The following TBXAS1 variants were observed in gnomAD, a reference collection of about 807,000 sequenced individuals.
TBXAS1 encodes thromboxane-A synthase.
In TBXAS1, 48 loss-of-function variants were observed where a neutral mutation model predicts 60.7. The observed-to-expected ratio is 0.79, with a 90% CI of 0.63 to 1.01. The LOEUF (loss-of-function observed/expected upper bound fraction) is 1.01. Ranked by LOEUF, TBXAS1 falls within the 50% of genes least tolerant of loss-of-function variation. TBXAS1 has a pLI of 0.00. For missense variants in TBXAS1, 685 were observed against 686.3 expected, an observed-to-expected ratio of 1.00 and a Z score of 0.02; for synonymous variants, 287 against 269.7, an observed-to-expected ratio of 1.06 and a Z score of -0.63.
rs896146723 is a variant in TBXAS1, at chr7:139,852,450, G to A, written c.90-19785G>A. On this transcript the variant is annotated intron_variant, in intron 1 of 12. Coordinates refer to ENST00000448866, the MANE Select transcript of TBXAS1 (RefSeq NM_001061.7). The surrounding 1 kb of genome is among the most constrained non-coding windows in gnomAD (Gnocchi z 4.4). ...AGAAGCAAACACACTGAGGAACAAC[G>A]GGCACTGAGATTCAGGGCTCTTGGA... is the stretch of plus-strand genomic sequence containing the variant. Among the ~76,000 whole-genome samples, 11 of 152,138 alleles carry A rather than the reference G, an allele frequency of 7.2e-5. No individual in the cohort carries two copies. Among genetic ancestry groups the A allele is most frequent in the Admixed American group, 2.0e-4 (3 of 15,262 alleles).
upstream of TBXAS1, among the ~76,000 whole-genome samples, chr7:139,824,895 T>A (rs1295061454): frequency 6.7e-6 from 1 of 149,632 alleles, no homozygotes. Flanking sequence ...AATGGCGTGA[T>A]CTTGGCTCAC....
chr7:139,985,312 C>T (rs1213666366), intron 9 of TBXAS1, among the ~76,000 whole-genome samples: 5 of 152,224 alleles, frequency 3.3e-5, no homozygotes, highest in African/African-American at 1.2e-4. Flanking sequence ...CACCCCCCAC[C>T]CCTCTAGCCT....
chr7:139,800,503 C>A (rs1052905362), intron 4 of TBXAS1, among the ~76,000 whole-genome samples: 1 of 152,152 alleles, frequency 6.6e-6, no homozygotes, highest in Admixed American at 6.6e-5. Context: ...GTCATTCCCA[C>A]TTCCCGCCAC....
chr7:140,005,938 CG>C (rs1486850456), intron 9 of TBXAS1, among the ~76,000 whole-genome samples: 1 of 152,184 alleles, frequency 6.6e-6, no homozygotes, highest in Admixed American at 6.5e-5. Flanking sequence ...TTGCCCATCC[CG>C]GAGCTCACTT....
chr7:139,865,162 A>T (rs752932424), intron 1 of TBXAS1, among the ~76,000 whole-genome samples: 2 of 152,186 alleles, frequency 1.3e-5, no homozygotes, highest in African/African-American at 2.4e-5. Context: ...CATGAGGATG[A>T]GGATGCCAGG....
chr7:139,984,115 C>A (rs1054531877), intron 9 of TBXAS1, among the ~76,000 whole-genome samples: 10 of 152,192 alleles, frequency 6.6e-5, no homozygotes, highest in Non-Finnish European at 1.2e-4. Flanking sequence ...GCTGCTGGAC[C>A]CCTTACCCGG....
intron 9 of TBXAS1, among the ~76,000 whole-genome samples, chr7:139,964,048 G>A (rs1025710330): frequency 6.6e-6 from 1 of 152,078 alleles, no homozygotes; most frequent in Non-Finnish European, 1.5e-5. Context: ...GAGTCATGAG[G>A]GTCACTCTGA....
At chr7:139,855,405 A>C (rs751384025) in intron 1 of TBXAS1, among the ~76,000 whole-genome samples, 17 of 152,078 alleles carry the variant, frequency 1.1e-4, no homozygotes, top group South Asian at 1.0e-3. Context: ...TTGAAGCCTG[A>C]AGTGTGACTG....
At chr7:139,796,380 C>T (rs1292212850) in intron 4 of TBXAS1, among the ~76,000 whole-genome samples, 3 of 152,148 alleles carry the variant, frequency 2.0e-5, no homozygotes, top group Admixed American at 2.0e-4. Context: ...TGAAACAAGC[C>T]AATCCAAAAA....
intron 9 of TBXAS1, among the ~76,000 whole-genome samples, chr7:139,984,958 G>GAA (rs901899663): frequency 1.4e-4 from 22 of 151,892 alleles, no homozygotes; most frequent in Non-Finnish European, 2.8e-4. Flanking sequence ...AAGAAAGAAA[G>GAA]AAAGAAAAGA....
intron 10 of TBXAS1, among the ~76,000 whole-genome samples, chr7:140,015,024 C>G (rs1285584907): frequency 6.6e-6 from 1 of 152,098 alleles, no homozygotes; most frequent in Non-Finnish European, 1.5e-5. Context: ...ATCTAATGTA[C>G]TATTCTTCAA....
intron 3 of TBXAS1, among the ~76,000 whole-genome samples, chr7:139,898,333 T>C (rs896562014): frequency 2.0e-5 from 3 of 151,712 alleles, no homozygotes; most frequent in Non-Finnish European, 4.4e-5. Context: ...TCTCAGATGC[T>C]TGGCATTTAG....
At chr7:139,953,324 T>C in intron 5 of TBXAS1, 44 bp from the exon 6 acceptor site, 1 of 1,541,982 alleles carries the variant, frequency 6.5e-7, no homozygotes, top group Non-Finnish European at 9.0e-7. Flanking sequence ...TTAGGTGTAC[T>C]CCCGGCATGG....
At chr7:139,788,521 A>T (rs1797273230) in intron 4 of TBXAS1, among the ~76,000 whole-genome samples, 1 of 152,176 alleles carries the variant, frequency 6.6e-6, no homozygotes, top group South Asian at 2.1e-4. Flanking sequence ...CCAGCATCTG[A>T]GTCTAGACAG....
At chr7:139,989,904 C>A (rs1385583775) in intron 9 of TBXAS1, among the ~76,000 whole-genome samples, 1 of 152,186 alleles carries the variant, frequency 6.6e-6, no homozygotes, top group Non-Finnish European at 1.5e-5. Flanking sequence ...GTGTCCTGCC[C>A]ATCTTTGCTC....
chr7:139,834,414 T>C (rs569138987), intron 1 of TBXAS1, among the ~76,000 whole-genome samples: 65 of 151,610 alleles, frequency 4.3e-4, no homozygotes, highest in African/African-American at 1.5e-3. Context: ...ACTAGAGAAA[T>C]AGAAACAAAC....
rs1189583328 is a variant in TBXAS1 at position 139,818,004 on chromosome 7, A to C, written c.-79-11308A>C. On this transcript the variant is annotated intron_variant, in intron 4 of 16. Coordinates refer to the TBXAS1 transcript ENST00000336425. ...TTCATTTCAGAAACATTTCGTGATC[A>C]CCTACTGAGTGACAAGCAGGCATTC... 2.0e-5 allele frequency among the ~76,000 whole-genome samples: 3 copies of C among 152,222 alleles called. No individual in the cohort carries two copies. In the South Asian group the frequency reaches 6.2e-4, roughly 31 times the overall value.
At chr7:139,912,851 G>A (rs185952596) in intron 4 of TBXAS1, among the ~76,000 whole-genome samples, 1 of 152,168 alleles carries the variant, frequency 6.6e-6, no homozygotes, top group East Asian at 1.9e-4. Context: ...CTATTTTATA[G>A]ACAAAGAAAC....
At chr7:139,895,926 G>A (rs1369463851) in intron 3 of TBXAS1, among the ~76,000 whole-genome samples, 1 of 152,184 alleles carries the variant, frequency 6.6e-6, no homozygotes, top group Non-Finnish European at 1.5e-5. Flanking sequence ...CCAAGTTTTA[G>A]AAAATGACCA....
Sources: gnomAD v4.1 joint callset for allele counts (sites outside exome capture counted in the v4.1 genomes callset) on GRCh38, gnomAD v4.1.1 for gene constraint, Gnocchi (gnomAD v3.1) non-coding constraint, MANE v1.5 for transcripts, NCBI Gene and HGNC (gene_info 2026-07-23, HGNC 2026-07-21) for gene names.